Variants in NECTIN1 observed in about 807,000 individuals in gnomAD.
The protein encoded by NECTIN1 is nectin-1.
A neutral mutation model predicts 48.0 loss-of-function variants in NECTIN1; 23 were observed. That is an observed-to-expected ratio of 0.48 (90% CI 0.34 to 0.68). The LOEUF (loss-of-function observed/expected upper bound fraction) is 0.68, where lower values mean the gene tolerates loss of function less well. Among genes scored for constraint, NECTIN1 ranks in the 30% least tolerant of loss-of-function variants. NECTIN1 has a pLI of 0.01. For synonymous variants in NECTIN1, 270 were observed against 288.9 expected, an observed-to-expected ratio of 0.93 and a Z score of 0.66; for missense variants, 591 against 709.9, an observed-to-expected ratio of 0.83 and a Z score of 1.90.
chr11:119,661,196 G>C lies in NECTIN1; in HGVS notation c.*3551C>G, dbSNP rs956797036. On this transcript the variant is annotated 3_prime_UTR_variant, in exon 6 of 6. Transcript: ENST00000264025. Reference sequence around the variant, plus strand: ...GCAAGGTAGCGCATCACGCTGGGAGGGGAGGGTGGCAGCTTCTCCTGGATT... The same window carrying C: ...GCAAGGTAGCGCATCACGCTGGGAGCGGAGGGTGGCAGCTTCTCCTGGATT... 8 of 985,716 alleles carry C rather than the reference G, an allele frequency of 8.1e-6. No homozygotes were observed. The highest frequency in any genetic ancestry group is 3.6e-6 in the Non-Finnish European group (3 of 829,942). 61.1% of individuals were successfully genotyped at this position (985,716 alleles called of 1,614,324 possible). A position where few individuals can be genotyped will look rare whatever the true frequency, so the allele number is the denominator to read the frequency against.
intron 1 of NECTIN1, among the ~76,000 whole-genome samples, chr11:119,690,214 G>A (rs1198574082): frequency 1.3e-5 from 2 of 152,110 alleles, no homozygotes; most frequent in East Asian, 1.9e-4. Context: ...TTGGTGAAAC[G>A]TCACCCTGCA....
chr11:119,701,941 T>C (rs1865462558), intron 1 of NECTIN1, among the ~76,000 whole-genome samples: 1 of 152,060 alleles, frequency 6.6e-6, no homozygotes, highest in Admixed American at 6.5e-5. Flanking sequence ...CTCCCAATTA[T>C]CTCCCTCTAT....
At chr11:119,703,612 G>C (rs186566253) in intron 1 of NECTIN1, among the ~76,000 whole-genome samples, 138 of 152,316 alleles carry the variant, frequency 9.1e-4, no homozygotes, top group African/African-American at 3.1e-3. Flanking sequence ...GGGAATGCCT[G>C]AGGTGACCCG....
At chr11:119,638,694 A>G in intron 7 of NECTIN1, 1 of 1,581,188 alleles carries the variant, frequency 6.3e-7, no homozygotes, top group South Asian at 1.1e-5. Context: ...CCCTCCCCGC[A>G]GTCCAGGGAC....
At chr11:119,717,003 G>A (rs1280938849) in intron 1 of NECTIN1, among the ~76,000 whole-genome samples, 2 of 152,262 alleles carry the variant, frequency 1.3e-5, no homozygotes, top group Non-Finnish European at 2.9e-5. Flanking sequence ...CGCAAACTGT[G>A]TACACAAGTG....
At chr11:119,718,328 A>G (rs2134342427) in intron 1 of NECTIN1, among the ~76,000 whole-genome samples, 1 of 152,304 alleles carries the variant, frequency 6.6e-6, no homozygotes, top group South Asian at 2.1e-4. Flanking sequence ...TGGACCCAGG[A>G]TCAATGCCTC....
chr11:119,694,330 A>G (rs1865308908), intron 1 of NECTIN1, among the ~76,000 whole-genome samples: 1 of 152,162 alleles, frequency 6.6e-6, no homozygotes, highest in Admixed American at 6.5e-5. Context: ...ATCATGGCCC[A>G]GGAGCACCTG....
intron 1 of NECTIN1, among the ~76,000 whole-genome samples, chr11:119,685,687 C>A (rs540289874): frequency 1.5e-3 from 228 of 152,368 alleles, no homozygotes; most frequent in African/African-American, 5.3e-3. Flanking sequence ...TCCATCGTGG[C>A]ACCCCAGGAA....
At position 119,665,386 on chromosome 11, in the gene NECTIN1, C is replaced by G. The variant is rs934028015; in HGVS notation, c.1004-89G>C. ...GGGAGGGAGGCAGGGAAAGGAGAGG[C>G]CAGGAAGGACAGGCTGTCTGCACCC... On this transcript the variant is annotated intron_variant, in intron 5 of 5. Transcript: ENST00000264025. The surrounding 1 kb of genome is among the most constrained non-coding windows in gnomAD (Gnocchi z 5.1). The G allele has an allele frequency of 4.7e-6, 7 of 1,478,892 alleles. No homozygotes were observed. Among genetic ancestry groups the G allele is most frequent in the Non-Finnish European group, 6.3e-6 (7 of 1,118,710 alleles). The allele number at this position is 1,478,892 out of a possible 1,614,324, so 91.6% of individuals were successfully genotyped here. A position where few individuals can be genotyped will look rare whatever the true frequency, so the allele number is the denominator to read the frequency against.
rs1369206172 is a variant in NECTIN1, at chr11:119,678,183, G to T, written c.430+232C>A. On this transcript the variant is annotated intron_variant, in intron 2 of 5. Coordinates refer to ENST00000264025, the MANE Select transcript of NECTIN1 (RefSeq NM_002855.5). The surrounding 1 kb of genome is among the most constrained non-coding windows in gnomAD (Gnocchi z 4.4). ...CTGCTGCCAGCACAGTGCCTTGTGGGCTTCAACCTGAAGAATCACGTTCCC... is the reference window on the plus strand; with the variant it reads ...CTGCTGCCAGCACAGTGCCTTGTGGTCTTCAACCTGAAGAATCACGTTCCC... 2.0e-5 allele frequency among the ~76,000 whole-genome samples: 3 copies of T among 152,196 alleles called. No homozygotes were observed. The highest frequency in any genetic ancestry group is 4.4e-5 in the Non-Finnish European group (3 of 68,040).
rs1865939756 is a variant in NECTIN1 at position 119,727,952 on chromosome 11, C to T, written c.79+523G>A. ...TGCCGCAGCAGCCGACTCTCCGCGCCCGCTGTGGGGCGGTGTGGGGCGGGA... is the reference window on the plus strand; with the variant it reads ...TGCCGCAGCAGCCGACTCTCCGCGCTCGCTGTGGGGCGGTGTGGGGCGGGA... On this transcript the variant is annotated intron_variant, in intron 1 of 5. Transcript: ENST00000264025. The surrounding 1 kb of genome is among the most constrained non-coding windows in gnomAD (Gnocchi z 4.1). Among the ~76,000 whole-genome samples, 1 of 152,194 alleles carries T rather than the reference C, an allele frequency of 6.6e-6. No homozygotes were observed. The highest frequency in any genetic ancestry group is 1.5e-5 in the Non-Finnish European group (1 of 68,026).
Position 119,661,029 on chromosome 11 carries a change from T to C in NECTIN1, c.*3718A>G. On this transcript the variant is annotated 3_prime_UTR_variant, in exon 6 of 6. Transcript: ENST00000264025. ...ACTTTATTTATAAAAAAGTACATTT[T>C]TAATCCTCAGTACATTTTCAACCCA... 1 of 981,326 alleles carries C rather than the reference T, an allele frequency of 1.0e-6. No homozygotes were observed. The highest frequency in any genetic ancestry group is 4.7e-5 in the South Asian group (1 of 21,160). 60.8% of individuals were successfully genotyped at this position (981,326 alleles called of 1,614,324 possible).
At chr11:119,670,797 C>T (rs1342502267) in intron 5 of NECTIN1, among the ~76,000 whole-genome samples, 2 of 152,026 alleles carry the variant, frequency 1.3e-5, no homozygotes, top group African/African-American at 4.8e-5. Flanking sequence ...CAGGCACGCA[C>T]TGCCACACCC....
At chr11:119,676,057 C>G (rs1229084071) in intron 4 of NECTIN1, among the ~76,000 whole-genome samples, 1 of 151,868 alleles carries the variant, frequency 6.6e-6, no homozygotes, top group Admixed American at 6.6e-5. Context: ...AACCCCAGAT[C>G]TCCTGAAGCA....
rs1865927744 is a variant in NECTIN1 at position 119,727,446 on chromosome 11, G to A, written c.79+1029C>T. Among the ~76,000 whole-genome samples the A allele has an allele frequency of 6.6e-6, 1 of 152,114 alleles. No homozygotes were observed. Among genetic ancestry groups the A allele is most frequent in the Non-Finnish European group, 1.5e-5 (1 of 68,024 alleles). On this transcript the variant is annotated intron_variant, in intron 1 of 5. Transcript: ENST00000264025. This position sits in a 1 kb window ranked among gnomAD's most constrained non-coding sequence, Gnocchi z 4.1. The stretch of plus-strand genomic sequence containing the variant: ...GCAGGTCGTCTCTGGTTTCTACCCA[G>A]AGAGCTGGAGGAACTCCCCACACCC...
At chr11:119,692,352 T>C (rs1273618356) in intron 1 of NECTIN1, among the ~76,000 whole-genome samples, 3 of 151,934 alleles carry the variant, frequency 2.0e-5, no homozygotes, top group Admixed American at 1.3e-4. Context: ...TCCATTCCCA[T>C]GCTCTCTTGG....
intron 4 of NECTIN1, among the ~76,000 whole-genome samples, chr11:119,675,957 G>A (rs1864940044): frequency 6.6e-6 from 1 of 151,208 alleles, no homozygotes; most frequent in African/African-American, 2.4e-5. Context: ...AGTGAGCCAA[G>A]ATTGCGCCAT....
intron 1 of NECTIN1, among the ~76,000 whole-genome samples, chr11:119,723,462 G>A (rs1218094448): frequency 2.6e-5 from 4 of 152,184 alleles, no homozygotes; most frequent in Non-Finnish European, 4.4e-5. Flanking sequence ...TCTCCTGGGA[G>A]GCTGTGAAAG....
chr11:119,710,702 TGAAA>T (rs1865628522), intron 1 of NECTIN1, among the ~76,000 whole-genome samples: 1 of 152,122 alleles, frequency 6.6e-6, no homozygotes, highest in Non-Finnish European at 1.5e-5. Flanking sequence ...CATGGTGGAC[TGAAA>T]GGTCAGAGCT....
Sources: allele counts gnomAD v4.1 joint callset (sites outside exome capture counted in the v4.1 genomes callset), GRCh38; gene constraint gnomAD v4.1.1; non-coding constraint Gnocchi (gnomAD v3.1); transcripts MANE v1.5; gene names NCBI Gene and HGNC (gene_info 2026-07-23, HGNC 2026-07-21).